Variants in MS4A18 observed in about 807,000 individuals in gnomAD.
MS4A18 encodes membrane-spanning 4-domains subfamily A member 18.
In MS4A18, 27 loss-of-function variants were observed where a neutral mutation model predicts 13.1. The ratio of observed to expected loss-of-function variants is 2.06; its 90% CI spans 1.52 to 2.84. The LOEUF is 2.84. MS4A18 is among the 30% of genes most tolerant of loss of function. The pLI, the probability that MS4A18 is intolerant of heterozygous loss-of-function variation, is 0.00. For missense variants in MS4A18, 307 were observed against 196.4 expected (o/e 1.56, Z -3.37); for synonymous variants, 126 against 76.5 (o/e 1.65, Z -3.38).
chr11:60,728,269 A>G (rs902443259), upstream of MS4A18, among the ~76,000 whole-genome samples: 7 of 152,232 alleles, frequency 4.6e-5, no homozygotes, highest in Non-Finnish European at 1.0e-4. Flanking sequence ...TGCCTTAATT[A>G]AATTAAACCC....
intron 1 of MS4A18, among the ~76,000 whole-genome samples, chr11:60,732,626 G>A (rs902958679): frequency 6.6e-6 from 1 of 151,436 alleles, no homozygotes; most frequent in Admixed American, 6.6e-5. Context: ...AGCTACTCGG[G>A]AGGCTGAGGC....
chr11:60,731,723 A>G (rs889847489), intron 1 of MS4A18, among the ~76,000 whole-genome samples: 25 of 152,220 alleles, frequency 1.6e-4, no homozygotes, highest in African/African-American at 2.7e-4. Context: ...CATTGTTCTC[A>G]AACAGTTGTT....
upstream of MS4A18, among the ~76,000 whole-genome samples, chr11:60,727,634 C>T (rs887522434): frequency 6.6e-6 from 1 of 152,084 alleles, no homozygotes; most frequent in Non-Finnish European, 1.5e-5. Flanking sequence ...GAGAACATAC[C>T]TCTGGGGTCC....
upstream of MS4A18, among the ~76,000 whole-genome samples, chr11:60,724,767 G>A (rs1230067319): frequency 6.6e-6 from 1 of 152,224 alleles, no homozygotes; most frequent in Non-Finnish European, 1.5e-5. Flanking sequence ...TGAAGAAAGA[G>A]CATCCAAAGA....
chr11:60,744,235 GGC>G, downstream of MS4A18: 1 of 489,536 alleles, frequency 2.0e-6, no homozygotes, highest in Non-Finnish European at 3.7e-6. Flanking sequence ...TTTTAACCTT[GGC>G]AAAGTTCAGG....
upstream of MS4A18, among the ~76,000 whole-genome samples, chr11:60,728,708 T>A (rs1421393641): frequency 6.6e-6 from 1 of 151,716 alleles, no homozygotes; most frequent in Non-Finnish European, 1.5e-5. Flanking sequence ...TTCCCCCTTT[T>A]CCTTTCCCTC....
exon 6 of MS4A18, chr11:60,743,958 C>G (rs1853448027): frequency 1.4e-6 from 1 of 702,980 alleles, no homozygotes; most frequent in Non-Finnish European, 2.6e-6. Flanking sequence ...CTATCCACAC[C>G]AGCAATGTAC....
chr11:60,728,462 ATGTCTG>A (rs1255497688), upstream of MS4A18, among the ~76,000 whole-genome samples: 1 of 142,478 alleles, frequency 7.0e-6, no homozygotes, highest in Admixed American at 6.9e-5. Context: ...GTCTGTGTCT[ATGTCTG>A]TGTTATCTGT....
At chr11:60,742,643 T>A (rs1175899745) in intron 5 of MS4A18, among the ~76,000 whole-genome samples, 1 of 152,264 alleles carries the variant, frequency 6.6e-6, no homozygotes, top group Non-Finnish European at 1.5e-5. Context: ...CACATCCTTG[T>A]TTGATCTTTG....
upstream of MS4A18, among the ~76,000 whole-genome samples, chr11:60,725,936 T>C (rs538971667): frequency 3.3e-5 from 5 of 152,316 alleles, no homozygotes; most frequent in South Asian, 1.0e-3. Flanking sequence ...CTGGGAAATC[T>C]GTTATTCTTC....
intron 1 of MS4A18, among the ~76,000 whole-genome samples, chr11:60,731,150 A>T (rs570252994): frequency 8.5e-4 from 129 of 152,284 alleles, no homozygotes; most frequent in Middle Eastern, 3.4e-3. Flanking sequence ...TGAGATTATA[A>T]ATGTGTGCGG....
chr11:60,728,324 C>T (rs563306599), upstream of MS4A18, among the ~76,000 whole-genome samples: 62 of 152,244 alleles, frequency 4.1e-4, no homozygotes, highest in African/African-American at 1.4e-3. Flanking sequence ...AGAAGTACAG[C>T]TGGGGCAAAT....
exon 2 of MS4A18, chr11:60,733,595 A>C: frequency 1.4e-6 from 1 of 703,574 alleles, no homozygotes; most frequent in Non-Finnish European, 2.6e-6. Context: ...GTGCTGTATT[A>C]CTATCCTTTT....
chr11:60,737,880 A>G (rs914988045), intron 3 of MS4A18, among the ~76,000 whole-genome samples: 1 of 152,168 alleles, frequency 6.6e-6, no homozygotes, highest in African/African-American at 2.4e-5. Context: ...TGGCCCCACA[A>G]TCTGCCTTGC....
At chr11:60,741,561 T>C (rs1261239517) in intron 5 of MS4A18, among the ~76,000 whole-genome samples, 1 of 152,182 alleles carries the variant, frequency 6.6e-6, no homozygotes, top group African/African-American at 2.4e-5. Context: ...TTTAAGTCCC[T>C]GCTTGCATCA....
At chr11:60,734,575 C>T (rs923874326) in intron 2 of MS4A18, among the ~76,000 whole-genome samples, 22 of 152,250 alleles carry the variant, frequency 1.4e-4, no homozygotes, top group African/African-American at 3.6e-4. Context: ...AAATTGAACA[C>T]CCACATGTAC....
At chr11:60,728,323 G>C (rs1853194326), upstream of MS4A18, among the ~76,000 whole-genome samples, 1 of 152,200 alleles carries the variant, frequency 6.6e-6, no homozygotes, top group Non-Finnish European at 1.5e-5. Context: ...CAGAAGTACA[G>C]CTGGGGCAAA....
chr11:60,744,887 T>C (rs1392277392), downstream of MS4A18, among the ~76,000 whole-genome samples: 1 of 152,234 alleles, frequency 6.6e-6, no homozygotes, highest in Non-Finnish European at 1.5e-5. Context: ...TCTCAGATGT[T>C]GTTAGGATGT....
intron 4 of MS4A18, among the ~76,000 whole-genome samples, chr11:60,740,086 G>A (rs1306531876): frequency 6.6e-6 from 1 of 152,214 alleles, no homozygotes; most frequent in African/African-American, 2.4e-5. Flanking sequence ...GATGCAACAG[G>A]ATGTCCCAAC....
Sources: allele counts gnomAD v4.1 joint callset (sites outside exome capture counted in the v4.1 genomes callset), GRCh38; gene constraint gnomAD v4.1.1; transcripts MANE v1.5; gene names NCBI Gene and HGNC (gene_info 2026-07-23, HGNC 2026-07-21).